The following LILRA2 variants were observed in gnomAD, a reference collection of about 807,000 sequenced individuals.
LILRA2 encodes leukocyte immunoglobulin like receptor A2.
In LILRA2, 45 loss-of-function variants were observed where a neutral mutation model predicts 47.9. That is an observed-to-expected ratio of 0.94 (90% confidence interval 0.74 to 1.20). LILRA2 has a LOEUF of 1.20. LILRA2 is among the 50% of genes most tolerant of loss of function. The probability of loss-of-function intolerance (pLI) is 0.00; values close to 1 mark genes in which losing one functional copy is unlikely to be tolerated. For synonymous variants in LILRA2, 279 were observed against 249.2 expected, an observed-to-expected ratio of 1.12 and a Z score of -1.13; for missense variants, 651 against 598.2, an observed-to-expected ratio of 1.09 and a Z score of -0.92.
chr19:54,587,061 G>T lies in LILRA2; in HGVS notation c.1306+1G>T, dbSNP rs1185886129. ...CAAAACAAGACAGACTCCACGACTA[G>T]TGAGTGAGGAGATGCTCTCAGTTAT... On this transcript the variant is annotated splice_donor_variant, in intron 7 of 7. Coordinates refer to ENST00000391738, the MANE Select transcript of LILRA2 (RefSeq NM_001130917.3). LOFTEE classifies it high-confidence loss of function. The T allele has an allele frequency of 4.3e-6, 7 of 1,613,502 alleles. No individual in the cohort carries two copies. In the South Asian group the frequency reaches 6.6e-5, roughly 15 times the overall value.
At chr19:54,573,735 T>C, upstream of LILRA2, 1 of 1,546,972 alleles carries the variant, frequency 6.5e-7, no homozygotes, top group Non-Finnish European at 8.8e-7. Context: ...GAGAGGGCAG[T>C]TGCACTTCCT....
Position 54,587,359 on chromosome 19 carries a change from A to G in LILRA2, c.*13A>G. The G allele has an allele frequency of 1.2e-6, 2 of 1,614,106 alleles. No homozygotes were observed. The highest frequency in any genetic ancestry group is 2.2e-5 in the East Asian group (1 of 44,882). ...AGCCGGGAGGTGAACAGCAGAGAGG[A>G]CAATGCATCCTTCAGCGTGGTGGAG... On this transcript the variant is annotated 3_prime_UTR_variant, in exon 8 of 8. Transcript: ENST00000391738.
rs190108086 is a variant in LILRA2, at chr19:54,575,952, T to G, written c.1098T>G (p.His366Gln). Residue 366 changes from histidine to glutamine, a missense_variant, in exon 6 of 8, where the codon CAT becomes CAG. Transcript: ENST00000391738. ...TKEGAGHPPL[H>Q]LRSEHQAQQN... ...AGGGGGCAGGCCATCCCCCACTGCA[T>G]CTGAGATCAGAGCACCAAGCTCAGC... 3.3e-4 allele frequency: 540 copies of G among 1,613,838 alleles called. 1 individual carries two copies. Among genetic ancestry groups the G allele is most frequent in the Admixed American group, 1.0e-3 (61 of 59,992 alleles).
chr19:54,574,059 A>C lies in LILRA2; in HGVS notation c.35-17A>C, dbSNP rs199552794. The C allele has an allele frequency of 5.6e-5, 90 of 1,613,286 alleles. No homozygotes were observed. Among genetic ancestry groups the C allele is most frequent in the Admixed American group, 6.7e-5 (4 of 59,944 alleles). ...AGGCTTCAGGGGAAAAATCCCTCAC[A>C]GGGAACTCTCTTCCAGGGCTGAGTC... On this transcript the variant is annotated splice_polypyrimidine_tract_variant and intron_variant, in intron 1 of 7. Coordinates refer to ENST00000391738, the MANE Select transcript of LILRA2 (RefSeq NM_001130917.3).
intron 6 of LILRA2, chr19:54,577,529 G>A (rs1475722356): frequency 1.6e-6 from 2 of 1,289,656 alleles, no homozygotes; most frequent in East Asian, 5.5e-5. Context: ...AGACAAGAGA[G>A]GAGGCTGCTT....
At position 54,578,823 on chromosome 19, in the gene LILRA2, C is replaced by A. The variant is rs145445668; in HGVS notation, c.1255+2714C>A. 5.9e-5 allele frequency among the ~76,000 whole-genome samples: 9 copies of A among 152,266 alleles called. No individual in the cohort carries two copies. The East Asian group carries it at 1.7e-3, about 29-fold the overall frequency. ...TTTTAATGATTGCCATTCTAACTGGCATGAGATGGTATCTCACTGCTGTTT... is the reference window on the plus strand; with the variant it reads ...TTTTAATGATTGCCATTCTAACTGGAATGAGATGGTATCTCACTGCTGTTT... On this transcript the variant is annotated intron_variant, in intron 6 of 7. Transcript: ENST00000391738.
chr19:54,579,308 G>A (rs1290426229), intron 6 of LILRA2, among the ~76,000 whole-genome samples: 2 of 152,174 alleles, frequency 1.3e-5, no homozygotes, highest in African/African-American at 4.8e-5. Flanking sequence ...AAGGGATCCA[G>A]TTTCAGCTTT....
rs2146026065 is a variant in LILRA2, at chr19:54,586,438, A to G, written c.1256-572A>G. The stretch of plus-strand genomic sequence containing the variant: ...CTAGGGGTTACTGCCTGTATGAGGA[A>G]TTAGTTACCTAAGGATTAAACGGAA... On this transcript the variant is annotated intron_variant, in intron 6 of 7. Transcript: ENST00000391738. Among the ~76,000 whole-genome samples the G allele has an allele frequency of 1.3e-5, 2 of 152,274 alleles. 1 individual carries two copies. The highest frequency in any genetic ancestry group is 4.1e-4 in the South Asian group (2 of 4,828).
rs1005934970 is a variant in LILRA2 at position 54,588,552 on chromosome 19, G to C, written c.*1206G>C. 6.7e-6 allele frequency: 1 copy of C among 149,870 alleles called. No individual in the cohort carries two copies. The highest frequency in any genetic ancestry group is 2.4e-5 in the African/African-American group (1 of 40,980). 9.3% of individuals were successfully genotyped at this position (149,870 alleles called of 1,614,324 possible). On this transcript the variant is annotated 3_prime_UTR_variant, in exon 8 of 8. Coordinates refer to ENST00000391738, the MANE Select transcript of LILRA2 (RefSeq NM_001130917.3). Reference sequence around the variant, plus strand: ...ACCTGGGAGGCGGAGCTTGCAATGGGCCGAGATTGCGACACTGCCCTCCAG... The same window carrying C: ...ACCTGGGAGGCGGAGCTTGCAATGGCCCGAGATTGCGACACTGCCCTCCAG...
rs977168742 is a variant in LILRA2 at position 54,587,869 on chromosome 19, C to T, written c.*523C>T. On this transcript the variant is annotated 3_prime_UTR_variant, in exon 8 of 8. Transcript: ENST00000391738. ...CTCTGTACCTTATGAGCCCTTCCCT[C>T]TTTCTCAGATGCTATCTGTGTAATT... 1 of 156,030 alleles carries T rather than the reference C, an allele frequency of 6.4e-6. No homozygotes were observed. The highest frequency in any genetic ancestry group is 1.4e-5 in the Non-Finnish European group (1 of 70,282). 9.7% of individuals were successfully genotyped at this position (156,030 alleles called of 1,614,324 possible).
intron 3 of LILRA2, 33 bp from the exon 4 acceptor site, chr19:54,574,698 C>T: frequency 6.2e-7 from 1 of 1,607,584 alleles, no homozygotes; most frequent in South Asian, 1.1e-5. Flanking sequence ...GAGGTGGGAG[C>T]CCCATTTAAC....
At position 54,575,463 on chromosome 19, in the gene LILRA2, C is replaced by T. The variant is rs1247709590; in HGVS notation, c.863C>T (p.Ser288Phe). Reference sequence around the variant, plus strand: ...TTCACCCTGGGCCCTGTGAGCCCCTCCCACGGGGGCCAGTACAGATGCTAC... The same window carrying T: ...TTCACCCTGGGCCCTGTGAGCCCCTTCCACGGGGGCCAGTACAGATGCTAC... ...ANFTLGPVSP[S>F]HGGQYRCYSA... is the part of the protein sequence containing the mutation. Residue 288 changes from serine (S) to phenylalanine (F), a missense_variant, in exon 5 of 8, where the codon TCC (serine) becomes TTC (phenylalanine). Ser to Phe is a radical substitution (Grantham distance 155). Coordinates refer to ENST00000391738, the MANE Select transcript of LILRA2 (RefSeq NM_001130917.3). 3 of 1,613,606 alleles carry T rather than the reference C, an allele frequency of 1.9e-6. No individual in the cohort carries two copies. Among genetic ancestry groups the T allele is most frequent in the Non-Finnish European group, 2.5e-6 (3 of 1,179,962 alleles).
chr19:54,582,870 G>A lies in LILRA2; in HGVS notation c.1256-4140G>A, dbSNP rs374505870. ...TCTAGTTCTTTTAATTGTGATGTTA[G>A]GGTGTCGATTTTAGATCTTTCCTGC... On this transcript the variant is annotated intron_variant, in intron 6 of 7. Transcript: ENST00000391738. 1.9e-3 allele frequency among the ~76,000 whole-genome samples: 283 copies of A among 152,212 alleles called. 2 individuals are homozygous for A. In the South Asian group the frequency reaches 0.035, roughly 19 times the overall value.
rs199958114 is a variant in LILRA2 at position 54,573,846 on chromosome 19, C to T, written c.-33C>T. On this transcript the variant is annotated 5_prime_UTR_variant, in exon 1 of 8. Coordinates refer to ENST00000391738, the MANE Select transcript of LILRA2 (RefSeq NM_001130917.3). Reference sequence around the variant, plus strand: ...GTCCTGCCAGCACTGAGGGCTCATCCATCCGCAGAGCAGGGCAGTGGGAGG... The same window carrying T: ...GTCCTGCCAGCACTGAGGGCTCATCTATCCGCAGAGCAGGGCAGTGGGAGG... 1 of 1,614,148 alleles carries T rather than the reference C, an allele frequency of 6.2e-7. No homozygotes were observed. The highest frequency in any genetic ancestry group is 2.2e-5 in the East Asian group (1 of 44,878).
chr19:54,573,796 G>T lies in LILRA2; in HGVS notation c.-83G>T. 1 of 1,607,968 alleles carries T rather than the reference G, an allele frequency of 6.2e-7. No homozygotes were observed. Among genetic ancestry groups the T allele is most frequent in the Non-Finnish European group, 8.5e-7 (1 of 1,177,856 alleles). Reference sequence around the variant, plus strand: ...ATGACAAGAAGGATCCAGCCTCCGAGTGTCCACACCCTGTGCGTCTCTCTG... The same window carrying T: ...ATGACAAGAAGGATCCAGCCTCCGATTGTCCACACCCTGTGCGTCTCTCTG... On this transcript the variant is annotated 5_prime_UTR_variant, in exon 1 of 8. Transcript: ENST00000391738.
intron 6 of LILRA2, among the ~76,000 whole-genome samples, chr19:54,583,808 G>C (rs551211853): frequency 1.3e-5 from 2 of 152,158 alleles, no homozygotes; most frequent in Non-Finnish European, 2.9e-5. Flanking sequence ...GTTTGATCAT[G>C]TCATTATGAT....
upstream of LILRA2, chr19:54,573,594 C>A: frequency 1.6e-6 from 1 of 616,436 alleles, no homozygotes; most frequent in South Asian, 2.0e-5. Flanking sequence ...TCCCAGGTCT[C>A]AAGGAGATGA....
chr19:54,577,351 C>G lies in LILRA2; in HGVS notation c.1255+1242C>G, dbSNP rs73612434. ...GGGTGGGGAGGATTTGGGGTCCAGG[C>G]CTGACTTGGACACTGGGAAGATGCT... On this transcript the variant is annotated intron_variant, in intron 6 of 7. Transcript: ENST00000391738. The G allele has an allele frequency of 3.7e-3, 3,102 of 831,114 alleles. 86 individuals carry two copies. The African/African-American group carries it at 0.052, about 14-fold the overall frequency. The allele number at this position is 831,114 out of a possible 1,614,324, so 51.5% of individuals were successfully genotyped here.
At chr19:54,586,396 T>C (rs1265617106) in intron 6 of LILRA2, among the ~76,000 whole-genome samples, 1 of 152,138 alleles carries the variant, frequency 6.6e-6, no homozygotes, top group Non-Finnish European at 1.5e-5. Flanking sequence ...TGGGTGTGCA[T>C]GCACGTGTAT....
Sources: allele counts gnomAD v4.1 joint callset (sites outside exome capture counted in the v4.1 genomes callset), GRCh38; gene constraint gnomAD v4.1.1; transcripts MANE v1.5; gene names NCBI Gene and HGNC (gene_info 2026-07-23, HGNC 2026-07-21).